RRAS2: variants seen among roughly 807,000 people sequenced by gnomAD.
RRAS2 encodes the protein RAS related 2.
In RRAS2, 7 loss-of-function variants were observed where a neutral mutation model predicts 27.6. The observed-to-expected ratio is 0.25, with a 90% CI of 0.14 to 0.48. RRAS2 has a LOEUF of 0.48. Ranked by LOEUF, RRAS2 falls within the 20% of genes least tolerant of loss-of-function variation. RRAS2 has a pLI of 0.99. For synonymous variants in RRAS2, 86 were observed against 90.9 expected, an observed-to-expected ratio of 0.95 and a Z score of 0.31; for missense variants, 178 against 256.2, an observed-to-expected ratio of 0.69 and a Z score of 2.08.
chr11:14,284,186 T>C (rs1009896659), intron 4 of RRAS2, among the ~76,000 whole-genome samples: 4 of 152,258 alleles, frequency 2.6e-5, no homozygotes, highest in Non-Finnish European at 4.4e-5. Flanking sequence ...AATGTCTCTA[T>C]ATATACTTCT....
intron 1 of RRAS2, among the ~76,000 whole-genome samples, chr11:14,340,534 C>G (rs1219256258): frequency 6.6e-6 from 1 of 152,152 alleles, no homozygotes; most frequent in Non-Finnish European, 1.5e-5. Context: ...ACAGCTTCTA[C>G]TTGTCACTGG....
upstream of RRAS2, among the ~76,000 whole-genome samples, chr11:14,360,047 G>A (rs1370509007): frequency 6.6e-6 from 1 of 152,148 alleles, no homozygotes; most frequent in Admixed American, 6.5e-5. Flanking sequence ...GGCTAGATCA[G>A]AAGAGGCCAT....
chr11:14,279,182 T>G lies in RRAS2; in HGVS notation c.*155A>C. 1 of 616,882 alleles carries G rather than the reference T, an allele frequency of 1.6e-6. No individual in the cohort carries two copies. 38.2% of individuals were successfully genotyped at this position (616,882 alleles called of 1,614,324 possible). ...ATTTGTCTGGAAATGACCATTGTAT[T>G]AGCTTCACAGAAAGGACTAGCCAGC... On this transcript the variant is annotated 3_prime_UTR_variant, in exon 6 of 6. Coordinates refer to ENST00000256196, the MANE Select transcript of RRAS2 (RefSeq NM_012250.6).
intron 1 of RRAS2, chr11:14,364,383 A>G (rs1427920861): frequency 2.2e-5 from 34 of 1,535,896 alleles, no homozygotes; most frequent in Non-Finnish European, 2.9e-5. Context: ...AGAGCCTGCA[A>G]TACTTACCAT....
chr11:14,294,102 C>T lies in RRAS2; in HGVS notation c.408+369G>A, dbSNP rs575448898. On this transcript the variant is annotated intron_variant, in intron 4 of 5. Coordinates refer to ENST00000256196, the MANE Select transcript of RRAS2 (RefSeq NM_012250.6). ...CATGAAGTTAATTTAGTATTAACAC[C>T]GAATAACTTAGGCCTTTAGTGGTAA... Among the ~76,000 whole-genome samples, 19 of 152,172 alleles carry T rather than the reference C, an allele frequency of 1.2e-4. No homozygotes were observed. In the East Asian group the frequency reaches 3.3e-3, roughly 26 times the overall value.
intron 1 of RRAS2, among the ~76,000 whole-genome samples, chr11:14,321,642 C>A (rs1848225653): frequency 6.6e-6 from 1 of 152,140 alleles, no homozygotes. Context: ...AGCTCCCTTT[C>A]CACTATCCCT....
At chr11:14,356,991 T>C (rs1400575696) in intron 1 of RRAS2, among the ~76,000 whole-genome samples, 1 of 152,010 alleles carries the variant, frequency 6.6e-6, no homozygotes, top group Admixed American at 6.6e-5. Flanking sequence ...TTTCACTATA[T>C]TGGCCAGGCT....
rs1357169724 is a variant in RRAS2 at position 14,278,387 on chromosome 11, T to C, written c.*950A>G. On this transcript the variant is annotated 3_prime_UTR_variant, in exon 6 of 6. Transcript: ENST00000256196. ...AGAATTAAATACTTATCTTTACATATACACAAGGTATGCTATGAAAGCATA... is the reference window on the plus strand; with the variant it reads ...AGAATTAAATACTTATCTTTACATACACACAAGGTATGCTATGAAAGCATA... 1 of 152,364 alleles carries C rather than the reference T, an allele frequency of 6.6e-6. No individual in the cohort carries two copies. The highest frequency in any genetic ancestry group is 2.4e-5 in the African/African-American group (1 of 41,600). 9.4% of individuals were successfully genotyped at this position (152,364 alleles called of 1,614,324 possible).
chr11:14,328,366 CAAAA>C (rs71041596), intron 1 of RRAS2, among the ~76,000 whole-genome samples: 1 of 67,716 alleles, frequency 1.5e-5, no homozygotes, highest in Admixed American at 1.9e-4. Flanking sequence ...AACTCCAACT[CAAAA>C]AAAAAAAAAA....
upstream of RRAS2, among the ~76,000 whole-genome samples, chr11:14,361,019 C>T (rs1461048984): frequency 6.6e-6 from 1 of 151,006 alleles, no homozygotes; most frequent in African/African-American, 2.4e-5. Flanking sequence ...ATTGTAGTGG[C>T]TCACGCCTGT....
Position 14,364,392 on chromosome 11 carries a change from A to G in RRAS2, c.-125T>C, listed in dbSNP as rs562155993. The G allele has an allele frequency of 2.0e-6, 3 of 1,535,904 alleles. No homozygotes were observed. In the South Asian group the frequency reaches 3.6e-5, roughly 18 times the overall value. On this transcript the variant is annotated splice_region_variant and 5_prime_UTR_variant, in exon 1 of 6. Coordinates refer to the RRAS2 transcript ENST00000529237. ...CAGATCAGAGCCTGCAATACTTACC[A>G]TGGGTGATGGAGGAGCATCATCCAC...
chr11:14,296,150 A>G (rs1847544543), intron 1 of RRAS2, among the ~76,000 whole-genome samples: 1 of 152,128 alleles, frequency 6.6e-6, no homozygotes, highest in Admixed American at 6.5e-5. Flanking sequence ...ACTGTACTCC[A>G]GCCTGGGAGA....
Position 14,279,398 on chromosome 11 carries a change from G to A in RRAS2, c.554C>T (p.Pro185Leu). The A allele has an allele frequency of 6.2e-7, 1 of 1,612,338 alleles. No individual in the cohort carries two copies. Among genetic ancestry groups the A allele is most frequent in the East Asian group, 2.2e-5 (1 of 44,868 alleles). Residue 185 changes from proline (P) to leucine (L), a missense_variant, in exon 6 of 6, where the codon CCT (proline) becomes CTT (leucine). Physicochemically the swap from Pro to Leu is moderately conservative, Grantham distance 98. Transcript: ENST00000256196. Reference sequence around the variant, plus strand: ...TTCTTTCCGTGTTGGTTCTGGTGAAGGAGGACATTCCTGCTCTTGAAATTT... The same window carrying A: ...TTCTTTCCGTGTTGGTTCTGGTGAAAGAGGACATTCCTGCTCTTGAAATTT... ...IRKFQEQECP[P>L]SPEPTRKEKD...
chr11:14,304,078 GTCTT>G (rs1847776008), intron 1 of RRAS2, among the ~76,000 whole-genome samples: 1 of 152,116 alleles, frequency 6.6e-6, no homozygotes, highest in Non-Finnish European at 1.5e-5. Flanking sequence ...AAACACTAAC[GTCTT>G]TCTAAGTACA....
At position 14,279,171 on chromosome 11, in the gene RRAS2, G is replaced by C; in HGVS notation, c.*166C>G. The C allele has an allele frequency of 1.7e-6, 1 of 594,864 alleles. No individual in the cohort carries two copies. Among genetic ancestry groups the C allele is most frequent in the East Asian group, 2.8e-5 (1 of 35,400 alleles). The allele number at this position is 594,864 out of a possible 1,614,324, so 36.8% of individuals were successfully genotyped here. A position where few individuals can be genotyped will look rare whatever the true frequency, so the allele number is the denominator to read the frequency against. On this transcript the variant is annotated 3_prime_UTR_variant, in exon 6 of 6. Coordinates refer to ENST00000256196, the MANE Select transcript of RRAS2 (RefSeq NM_012250.6). ...GTTTCCTTTAAATTTGTCTGGAAAT[G>C]ACCATTGTATTAGCTTCACAGAAAG...
intron 4 of RRAS2, among the ~76,000 whole-genome samples, chr11:14,293,128 T>A (rs1319507851): frequency 2.0e-5 from 1 of 49,992 alleles, no homozygotes; most frequent in African/African-American, 5.9e-5. Flanking sequence ...AAAACAAATA[T>A]ATATATATAT....
In RRAS2 at chr11:14,314,874, A is replaced by G. The variant is rs1362997105; in HGVS notation, c.109-19019T>C. 3.3e-5 allele frequency among the ~76,000 whole-genome samples: 5 copies of G among 152,052 alleles called. No homozygotes were observed. The East Asian group carries it at 9.6e-4, about 29-fold the overall frequency. On this transcript the variant is annotated intron_variant, in intron 1 of 5. Transcript: ENST00000256196. ...TGGCTAATTTTTGTATTTTTAGTAG[A>G]CCAGGTTTCACCATGTTGGCCAGGC...
At chr11:14,325,881 TAAG>T (rs1848345476) in intron 1 of RRAS2, among the ~76,000 whole-genome samples, 1 of 152,190 alleles carries the variant, frequency 6.6e-6, no homozygotes, top group Non-Finnish European at 1.5e-5. Flanking sequence ...GTAAAAACTC[TAAG>T]TATTACATAA....
Position 14,337,555 on chromosome 11 carries a change from C to T in RRAS2, c.108+21208G>A, listed in dbSNP as rs1241345125. 7.2e-5 allele frequency among the ~76,000 whole-genome samples: 11 copies of T among 152,132 alleles called. No individual in the cohort carries two copies. The East Asian group carries it at 2.1e-3, about 29-fold the overall frequency. On this transcript the variant is annotated intron_variant, in intron 1 of 5. Coordinates refer to ENST00000256196, the MANE Select transcript of RRAS2 (RefSeq NM_012250.6). The stretch of plus-strand genomic sequence containing the variant: ...GAACAAAAAGATATTTTGAGAAAGA[C>T]CGCATTCAGATAACTTCTATTGTAG...
Sources: allele counts gnomAD v4.1 joint callset (sites outside exome capture counted in the v4.1 genomes callset), GRCh38; gene constraint gnomAD v4.1.1; transcripts MANE v1.5; gene names NCBI Gene and HGNC (gene_info 2026-07-23, HGNC 2026-07-21).